The following ALK variants were observed in gnomAD, a reference collection of about 807,000 sequenced individuals.
ALK encodes ALK receptor tyrosine kinase.
ALK carries 74 observed loss-of-function variants against 163.1 expected under a neutral mutation model. The ratio of observed to expected loss-of-function variants is 0.45; its 90% CI spans 0.38 to 0.55. ALK has a LOEUF of 0.55. Among genes scored for constraint, ALK ranks in the 20% least tolerant of loss-of-function variants. The pLI, the probability that ALK is intolerant of heterozygous loss-of-function variation, is 0.00. For missense variants in ALK, 2,063 were observed against 2,105.3 expected (o/e 0.98, Z 0.39); for synonymous variants, 960 against 843.2 (o/e 1.14, Z -2.40).
At chr2:29,476,920 G>T (rs1030054082) in intron 4 of ALK, among the ~76,000 whole-genome samples, 14 of 152,182 alleles carry the variant, frequency 9.2e-5, no homozygotes, top group African/African-American at 3.4e-4. Context: ...TTTATCGTTG[G>T]TTGACACTGG....
chr2:29,392,301 G>A (rs1200606407), intron 4 of ALK, among the ~76,000 whole-genome samples: 1 of 152,214 alleles, frequency 6.6e-6, no homozygotes, highest in African/African-American at 2.4e-5. Flanking sequence ...CATGTAGTAA[G>A]TACTAGGAGG....
At chr2:29,916,879 G>A (rs1002384606) in intron 1 of ALK, among the ~76,000 whole-genome samples, 1 of 152,194 alleles carries the variant, frequency 6.6e-6, no homozygotes, top group African/African-American at 2.4e-5. Flanking sequence ...TGTCCTGGGA[G>A]AGGCCAGAAC....
chr2:29,511,692 T>C (rs1672522124), intron 4 of ALK, among the ~76,000 whole-genome samples: 1 of 152,204 alleles, frequency 6.6e-6, no homozygotes, highest in African/African-American at 2.4e-5. Context: ...GGTAGGCATA[T>C]GTCTAGTTTT....
At chr2:29,224,213 G>C (rs1037539792) in intron 19 of ALK, among the ~76,000 whole-genome samples, 1 of 152,178 alleles carries the variant, frequency 6.6e-6, no homozygotes, top group Non-Finnish European at 1.5e-5. Flanking sequence ...CACAGAGTTG[G>C]AGAAGAGCCA....
intron 4 of ALK, among the ~76,000 whole-genome samples, chr2:29,453,879 C>A (rs973576969): frequency 6.6e-6 from 1 of 152,058 alleles, no homozygotes. Context: ...ATCCAGCATA[C>A]CCCAGGGACA....
At chr2:29,838,479 T>C (rs969303013) in intron 1 of ALK, among the ~76,000 whole-genome samples, 1 of 152,148 alleles carries the variant, frequency 6.6e-6, no homozygotes, top group Non-Finnish European at 1.5e-5. Flanking sequence ...TAAAAATGTT[T>C]ATAGCAACTC....
At chr2:29,695,614 C>A (rs1678532406) in intron 2 of ALK, among the ~76,000 whole-genome samples, 1 of 152,036 alleles carries the variant, frequency 6.6e-6, no homozygotes, top group African/African-American at 2.4e-5. Flanking sequence ...AATCTATCCA[C>A]CTGACAAAGG....
At chr2:29,592,456 C>T (rs1675088792) in intron 3 of ALK, among the ~76,000 whole-genome samples, 2 of 152,150 alleles carry the variant, frequency 1.3e-5, no homozygotes, top group African/African-American at 2.4e-5. Context: ...CGCCTGAGCT[C>T]TTGGGGCACA....
chr2:29,675,144 T>C (rs539817532), intron 3 of ALK, among the ~76,000 whole-genome samples: 1 of 152,186 alleles, frequency 6.6e-6, no homozygotes, highest in South Asian at 2.1e-4. Context: ...AATGAGGCTA[T>C]AATATGCATA....
At chr2:29,774,589 G>C (rs1050774994) in intron 1 of ALK, among the ~76,000 whole-genome samples, 3 of 152,160 alleles carry the variant, frequency 2.0e-5, no homozygotes, top group Non-Finnish European at 4.4e-5. Flanking sequence ...AAGGTCCTAG[G>C]GCAGAATCCA....
intron 1 of ALK, among the ~76,000 whole-genome samples, chr2:29,877,704 G>A (rs566528178): frequency 1.3e-5 from 2 of 152,194 alleles, no homozygotes; most frequent in East Asian, 1.9e-4. Flanking sequence ...CATGGGTGAC[G>A]ACCCCACTCC....
At chr2:29,810,891 T>G (rs1464304170) in intron 1 of ALK, among the ~76,000 whole-genome samples, 1 of 152,012 alleles carries the variant, frequency 6.6e-6, no homozygotes, top group Non-Finnish European at 1.5e-5. Context: ...CAGGGAGCTT[T>G]CTCTCTGCAC....
At chr2:29,531,846 C>T in intron 4 of ALK, 69 bp downstream of exon 4, 1 of 1,518,606 alleles carries the variant, frequency 6.6e-7, no homozygotes, top group South Asian at 1.1e-5. Context: ...GTCACAGACT[C>T]TGGAAATGTG....
At chr2:29,847,892 T>G (rs6712209) in intron 1 of ALK, among the ~76,000 whole-genome samples, 1 of 144,606 alleles carries the variant, frequency 6.9e-6, no homozygotes, top group Admixed American at 6.9e-5. Flanking sequence ...AGGATGAGGG[T>G]GGGGGAGGTG....
intron 4 of ALK, among the ~76,000 whole-genome samples, chr2:29,396,610 A>G (rs911147795): frequency 6.6e-6 from 1 of 152,042 alleles, no homozygotes; most frequent in Admixed American, 6.6e-5. Flanking sequence ...GGAGGCTGAG[A>G]GTTACAGTGA....
At chr2:29,547,654 T>C (rs1673591705) in intron 3 of ALK, among the ~76,000 whole-genome samples, 1 of 151,956 alleles carries the variant, frequency 6.6e-6, no homozygotes, top group Non-Finnish European at 1.5e-5. Context: ...AGAGGGGAAC[T>C]GAACTGCGGT....
At chr2:29,704,142 T>C (rs1384453279) in intron 2 of ALK, among the ~76,000 whole-genome samples, 1 of 140,994 alleles carries the variant, frequency 7.1e-6, no homozygotes, top group East Asian at 2.1e-4. Context: ...ACACGGCAAT[T>C]CTCTTACAGC....
intron 1 of ALK, among the ~76,000 whole-genome samples, chr2:29,726,993 G>C (rs938445629): frequency 1.3e-5 from 2 of 152,166 alleles, no homozygotes; most frequent in African/African-American, 4.8e-5. Flanking sequence ...TGGGGAACAG[G>C]GGTTGGGAAT....
At chr2:29,272,522 A>C (rs1176542374) in intron 11 of ALK, among the ~76,000 whole-genome samples, 1 of 152,070 alleles carries the variant, frequency 6.6e-6, no homozygotes, top group Admixed American at 6.5e-5. Flanking sequence ...TGCTGTGGGG[A>C]GTGAGGAATG....
Sources: gnomAD v4.1 joint callset for allele counts (sites outside exome capture counted in the v4.1 genomes callset) on GRCh38, gnomAD v4.1.1 for gene constraint, MANE v1.5 for transcripts, NCBI Gene and HGNC (gene_info 2026-07-23, HGNC 2026-07-21) for gene names.